The following CDH1 variants were observed in gnomAD, a reference collection of about 807,000 sequenced individuals.
The protein encoded by CDH1 is cadherin 1, also known as cadherin-1.
CDH1 carries 35 observed loss-of-function variants against 84.5 expected under a neutral mutation model. The ratio of observed to expected loss-of-function variants is 0.41; its 90% CI spans 0.32 to 0.55. The LOEUF is 0.55. CDH1 is among the 20% of genes least tolerant of loss of function. CDH1 has a pLI of 0.19. For synonymous variants in CDH1, 417 were observed against 439.0 expected (o/e 0.95, Z 0.63); for missense variants, 994 against 1,126.6 (o/e 0.88, Z 1.68).
intron 7 of CDH1, 41 bp downstream of exon 7, chr16:68,811,900 G>A (rs767611850): frequency 1.6e-5 from 25 of 1,605,618 alleles, no homozygotes; most frequent in Non-Finnish European, 1.9e-5. Context: ...GAGGACAAAT[G>A]TGTATTAGCT....
intron 2 of CDH1, among the ~76,000 whole-genome samples, chr16:68,783,296 C>G (rs1342814469): frequency 6.7e-6 from 1 of 150,118 alleles, no homozygotes; most frequent in African/African-American, 2.5e-5. Context: ...ACTCAGGAGG[C>G]TGAGGCACGA....
At chr16:68,795,990 C>T (rs1255899290) in intron 2 of CDH1, among the ~76,000 whole-genome samples, 5 of 151,508 alleles carry the variant, frequency 3.3e-5, no homozygotes, top group Admixed American at 6.6e-5. Flanking sequence ...AGTGAAACCC[C>T]GTCTCTACTA....
intron 5 of CDH1, among the ~76,000 whole-genome samples, chr16:68,809,664 T>TA: frequency 6.6e-6 from 1 of 152,222 alleles, no homozygotes; most frequent in East Asian, 1.9e-4. Context: ...TAGCTGAGAC[T>TA]AAAGGCGCAG....
chr16:68,775,454 G>A (rs950096584), intron 2 of CDH1, among the ~76,000 whole-genome samples: 5 of 152,234 alleles, frequency 3.3e-5, no homozygotes, highest in South Asian at 4.2e-4. Context: ...AGATCCTTGT[G>A]TACCCAGAAG....
intron 2 of CDH1, among the ~76,000 whole-genome samples, chr16:68,748,981 G>A (rs745733463): frequency 1.6e-4 from 24 of 152,144 alleles, no homozygotes; most frequent in Non-Finnish European, 3.2e-4. Context: ...CTGAGTACAG[G>A]TGCCTGCAAC....
At position 68,809,048 on chromosome 16, in the gene CDH1, A is replaced by C. The variant is rs568410898; in HGVS notation, c.687+200A>C. 104 of 604,490 alleles carry C rather than the reference A, an allele frequency of 1.7e-4. 2 individuals are homozygous for C. In the South Asian group the frequency reaches 2.0e-3, roughly 11 times the overall value. 37.4% of individuals were successfully genotyped at this position (604,490 alleles called of 1,614,324 possible). A position where few individuals can be genotyped will look rare whatever the true frequency, so the allele number is the denominator to read the frequency against. On this transcript the variant is annotated intron_variant, in intron 5 of 15. Transcript: ENST00000261769. The stretch of plus-strand genomic sequence containing the variant: ...GTTAATTTTTCTCCTTGTCAGGAAG[A>C]AAGGAAGGAGAATCCGCATGCATCC...
At chr16:68,765,984 G>T (rs1397741052) in intron 2 of CDH1, among the ~76,000 whole-genome samples, 1 of 152,092 alleles carries the variant, frequency 6.6e-6, no homozygotes, top group Non-Finnish European at 1.5e-5. Flanking sequence ...TATCGGCCAG[G>T]CACGGTGGCT....
At chr16:68,831,118 G>A (rs550864397) in intron 15 of CDH1, among the ~76,000 whole-genome samples, 20 of 122,002 alleles carry the variant, frequency 1.6e-4, no homozygotes, top group Non-Finnish European at 2.1e-4. Context: ...TTGCTCTGTC[G>A]CCCAGGCTGG....
At chr16:68,754,121 A>G (rs1962959927) in intron 2 of CDH1, among the ~76,000 whole-genome samples, 1 of 151,704 alleles carries the variant, frequency 6.6e-6, no homozygotes, top group South Asian at 2.1e-4. Flanking sequence ...TGTCTCAAAA[A>G]AAAAAAAAAA....
chr16:68,833,182 A>G lies in CDH1; in HGVS notation c.2440-108A>G. The G allele has an allele frequency of 1.1e-5, 10 of 913,074 alleles. 1 individual carries two copies. The South Asian group carries it at 1.3e-4, about 12-fold the overall frequency. The allele number at this position is 913,074 out of a possible 1,614,324, so 56.6% of individuals were successfully genotyped here. On this transcript the variant is annotated intron_variant, in intron 15 of 15. Coordinates refer to ENST00000261769, the MANE Select transcript of CDH1 (RefSeq NM_004360.5). ...GGTGTTCACTGCTCCGTGGTGTGCC[A>G]CAAGTCTGGGTGCATTGTCGTACCT...
At position 68,738,337 on chromosome 16, in the gene CDH1, C is replaced by G. The variant is rs876660408; in HGVS notation, c.89C>G (p.Pro30Arg). The change falls in exon 2 of 16, where the codon CCT (proline) becomes CGT (arginine). Residue 30 changes from proline to arginine, a missense_variant. Pro to Arg is a moderately radical substitution (Grantham distance 103, BLOSUM62 -2). Around this residue, in one of 3 missense-constraint regions of CDH1, gnomAD observed 203 missense variants for 194.0 expected, o/e 1.05. Coordinates refer to ENST00000261769, the MANE Select transcript of CDH1 (RefSeq NM_004360.5). ...TGCCAGGAGCCGGAGCCCTGCCACC[C>G]TGGCTTTGACGCCGAGAGCTACACG... ...WLCQEPEPCH[P>R]GFDAESYTFT... 2.0e-6 allele frequency: 3 copies of G among 1,538,400 alleles called. No individual in the cohort carries two copies. Among genetic ancestry groups the G allele is most frequent in the Non-Finnish European group, 8.8e-7 (1 of 1,140,980 alleles).
At chr16:68,778,631 GA>G (rs1485986076) in intron 2 of CDH1, among the ~76,000 whole-genome samples, 2 of 152,146 alleles carry the variant, frequency 1.3e-5, no homozygotes, top group African/African-American at 2.4e-5. Flanking sequence ...GAGATAAGCT[GA>G]ATATATTGTG....
intron 13 of CDH1, among the ~76,000 whole-genome samples, chr16:68,827,889 CT>C (rs1168082981): frequency 3.3e-5 from 5 of 152,184 alleles, no homozygotes; most frequent in Non-Finnish European, 7.3e-5. Flanking sequence ...GCCTGGAACA[CT>C]TTCCCCCAGA....
At chr16:68,806,512 A>G (rs985527970) in intron 3 of CDH1, among the ~76,000 whole-genome samples, 8 of 152,078 alleles carry the variant, frequency 5.3e-5, no homozygotes, top group African/African-American at 1.7e-4. Flanking sequence ...AATCTCAATA[A>G]AACCATAACT....
intron 2 of CDH1, among the ~76,000 whole-genome samples, chr16:68,787,161 A>G (rs887149027): frequency 4.6e-5 from 7 of 152,156 alleles, no homozygotes; most frequent in Non-Finnish European, 8.8e-5. Flanking sequence ...TAGAGAATAA[A>G]TCTGTGGTTA....
In CDH1 at chr16:68,828,263, G is replaced by C. The variant is rs587781351; in HGVS notation, c.2254G>C (p.Val752Leu). Reference sequence around the variant, plus strand: ...CCCAGAGGATGACACCCGGGACAACGTTTATTACTATGATGAAGAAGGAGG... The same window carrying C: ...CCCAGAGGATGACACCCGGGACAACCTTTATTACTATGATGAAGAAGGAGG... ...LPPEDDTRDNVYYYDEEGGGE... is the reference protein window; with the variant it reads ...LPPEDDTRDNLYYYDEEGGGE... The change falls in exon 14 of 16, where the codon GTT (valine) becomes CTT (leucine). Residue 752 changes from valine (V) to leucine (L), a missense_variant. Around this residue, in one of 3 missense-constraint regions of CDH1, gnomAD observed 769 missense variants for 881.8 expected, o/e 0.87. Coordinates refer to ENST00000261769, the MANE Select transcript of CDH1 (RefSeq NM_004360.5). The C allele has an allele frequency of 6.2e-7, 1 of 1,614,126 alleles. No homozygotes were observed.
chr16:68,803,155 A>G (rs1960560665), intron 3 of CDH1, among the ~76,000 whole-genome samples: 1 of 152,178 alleles, frequency 6.6e-6, no homozygotes, highest in South Asian at 2.1e-4. Flanking sequence ...AGGGCCAGTA[A>G]GATTGGCATC....
chr16:68,821,226 A>C (rs1253605048), intron 11 of CDH1, among the ~76,000 whole-genome samples: 4 of 152,126 alleles, frequency 2.6e-5, no homozygotes, highest in African/African-American at 9.7e-5. Flanking sequence ...TAATCCCAAC[A>C]CTTTCAGAGG....
At chr16:68,799,996 C>G (rs1373947528) in intron 2 of CDH1, among the ~76,000 whole-genome samples, 1 of 147,308 alleles carries the variant, frequency 6.8e-6, no homozygotes, top group South Asian at 2.1e-4. Context: ...GGCAACAGAG[C>G]GAGACTGTCT....
Sources: gnomAD v4.1 joint callset for allele counts (sites outside exome capture counted in the v4.1 genomes callset) on GRCh38, gnomAD v4.1.1 for gene constraint, gnomAD v4.1.1 regional missense constraint, MANE v1.5 for transcripts, NCBI Gene and HGNC (gene_info 2026-07-23, HGNC 2026-07-21) for gene names.